The following UTRN variants were observed in gnomAD, a reference collection of about 807,000 sequenced individuals.
UTRN encodes dystrophin-related protein 1.
Under a neutral mutation model 463.9 loss-of-function variants are expected in UTRN, and 283 were observed. The ratio of observed to expected loss-of-function variants is 0.61; its 90% CI spans 0.55 to 0.67. UTRN has a LOEUF of 0.67. UTRN is among the 30% of genes least tolerant of loss of function. UTRN has a pLI of 0.00. For missense variants in UTRN, 3,922 were observed against 4,084.3 expected (o/e 0.96, Z 1.08); for synonymous variants, 1,442 against 1,431.5 (o/e 1.01, Z -0.17).
At chr6:144,539,257 C>T in intron 44 of UTRN, 37 bp from the exon 45 acceptor site, 1 of 1,521,022 alleles carries the variant, frequency 6.6e-7, no homozygotes, top group Non-Finnish European at 8.8e-7. Context: ...CCTTATCTGA[C>T]TACCTTCTAA....
intron 52 of UTRN, among the ~76,000 whole-genome samples, chr6:144,685,117 A>C (rs1361276340): frequency 6.6e-6 from 1 of 152,132 alleles, no homozygotes; most frequent in Non-Finnish European, 1.5e-5. Context: ...CTTGTAAGTG[A>C]GATCATGTAG....
At chr6:144,385,715 T>TC (rs1046755162) in intron 2 of UTRN, among the ~76,000 whole-genome samples, 6 of 152,154 alleles carry the variant, frequency 3.9e-5, no homozygotes, top group African/African-American at 1.4e-4. Flanking sequence ...TATTTTTTTT[T>TC]TTTTTTCTTT....
chr6:144,562,209 T>C (rs1799993470), intron 50 of UTRN, among the ~76,000 whole-genome samples: 1 of 152,092 alleles, frequency 6.6e-6, no homozygotes, highest in Non-Finnish European at 1.5e-5. Context: ...AAATATTTTA[T>C]TTTATTTTAT....
At chr6:144,645,161 T>C (rs965975825) in intron 51 of UTRN, among the ~76,000 whole-genome samples, 2 of 152,164 alleles carry the variant, frequency 1.3e-5, no homozygotes, top group African/African-American at 4.8e-5. Context: ...TTATTTTAGG[T>C]TGAGATTAGC....
rs1358334985 is a variant in UTRN, at chr6:144,811,938, C to T, written c.9357+8791C>T. ...TGATAATGTTTAATTATTCTGTTTGCGTGCCAAGTGACTTTTTTTATATAA... is the reference window on the plus strand; with the variant it reads ...TGATAATGTTTAATTATTCTGTTTGTGTGCCAAGTGACTTTTTTTATATAA... On this transcript the variant is annotated intron_variant, in intron 65 of 74. Transcript: ENST00000367545. 2.6e-5 allele frequency among the ~76,000 whole-genome samples: 4 copies of T among 152,086 alleles called. No individual in the cohort carries two copies. In the East Asian group the frequency reaches 7.7e-4, roughly 29 times the overall value.
chr6:144,677,362 C>T (rs552727804), intron 51 of UTRN, among the ~76,000 whole-genome samples: 26 of 152,190 alleles, frequency 1.7e-4, no homozygotes, highest in Middle Eastern at 3.4e-3. Context: ...TGAGAACATG[C>T]GGTGTTTGGT....
chr6:144,482,307 G>A lies in UTRN; in HGVS notation c.3606G>A (p.Glu1202=), dbSNP rs1344744615. 6.2e-7 allele frequency: 1 copy of A among 1,609,340 alleles called. No individual in the cohort carries two copies. The highest frequency in any genetic ancestry group is 1.3e-5 in the African/African-American group (1 of 74,806). ...LAAKVPSGGQ[E]LTSELNVVLE... is the part of the protein sequence containing the mutation. Reference sequence around the variant, plus strand: ...CCAAGGTGCCCTCTGGTGGCCAGGAGTTGACGTCTGAGCTGAATGTTGTGC... The same window carrying A: ...CCAAGGTGCCCTCTGGTGGCCAGGAATTGACGTCTGAGCTGAATGTTGTGC... Residue 1202 remains glutamate, a synonymous_variant, in exon 27 of 75, where the codon GAG becomes GAA. Transcript: ENST00000367545.
chr6:144,422,660 T>TA (rs888544296), intron 4 of UTRN, among the ~76,000 whole-genome samples: 2 of 152,236 alleles, frequency 1.3e-5, no homozygotes, highest in Non-Finnish European at 2.9e-5. Context: ...ATCTATTTTT[T>TA]ATTCAGATTT....
chr6:144,697,097 A>G, intron 52 of UTRN, among the ~76,000 whole-genome samples: 1 of 152,184 alleles, frequency 6.6e-6, no homozygotes, highest in East Asian at 1.9e-4. Flanking sequence ...GTAAAAAATG[A>G]TTCAATTTTA....
At chr6:144,389,841 C>T (rs564800822) in intron 2 of UTRN, among the ~76,000 whole-genome samples, 12 of 152,256 alleles carry the variant, frequency 7.9e-5, no homozygotes, top group South Asian at 2.1e-4. Context: ...TCAGATGATC[C>T]GCCCATCCTG....
chr6:144,676,954 C>T (rs964385538), intron 51 of UTRN, among the ~76,000 whole-genome samples: 1 of 152,042 alleles, frequency 6.6e-6, no homozygotes, highest in Non-Finnish European at 1.5e-5. Context: ...GGATATTAGG[C>T]AAAGTTCAGT....
intron 17 of UTRN, among the ~76,000 whole-genome samples, chr6:144,449,828 T>TCC (rs1788074189): frequency 1.3e-5 from 2 of 152,302 alleles, no homozygotes; most frequent in South Asian, 4.1e-4. Context: ...TTGGTTTGAA[T>TCC]CCCAGCCTCA....
At chr6:144,681,949 A>T (rs986963331) in intron 52 of UTRN, among the ~76,000 whole-genome samples, 4 of 152,168 alleles carry the variant, frequency 2.6e-5, no homozygotes, top group African/African-American at 9.7e-5. Context: ...AAAATGTGGT[A>T]TCTATCCCCT....
chr6:144,419,585 T>G (rs1351834628), intron 3 of UTRN, among the ~76,000 whole-genome samples: 3 of 152,182 alleles, frequency 2.0e-5, no homozygotes, highest in Non-Finnish European at 4.4e-5. Flanking sequence ...ATGGGGTCAT[T>G]CGAGACCCAA....
chr6:144,408,317 G>C (rs912205359), intron 3 of UTRN, among the ~76,000 whole-genome samples: 1 of 152,190 alleles, frequency 6.6e-6, no homozygotes, highest in South Asian at 2.1e-4. Flanking sequence ...TTAGCCGGCC[G>C]GTCTCCCAAG....
intron 52 of UTRN, among the ~76,000 whole-genome samples, chr6:144,684,981 A>G (rs899254937): frequency 6.6e-6 from 1 of 152,128 alleles, no homozygotes; most frequent in African/African-American, 2.4e-5. Flanking sequence ...AGTACTGTAC[A>G]TTGTACCCAT....
At chr6:144,420,499 C>A (rs573456091) in intron 3 of UTRN, among the ~76,000 whole-genome samples, 3 of 152,286 alleles carry the variant, frequency 2.0e-5, no homozygotes, top group Non-Finnish European at 4.4e-5. Flanking sequence ...AGGCAAGGAT[C>A]TACCAAACTT....
chr6:144,602,523 A>AT (rs1804367815), intron 51 of UTRN, among the ~76,000 whole-genome samples: 1 of 152,218 alleles, frequency 6.6e-6, no homozygotes, highest in Non-Finnish European at 1.5e-5. Context: ...ATTGTAAGCT[A>AT]TGCATACATT....
intron 19 of UTRN, among the ~76,000 whole-genome samples, chr6:144,456,156 A>T (rs1193188691): frequency 1.3e-5 from 2 of 152,106 alleles, no homozygotes; most frequent in Admixed American, 1.3e-4. Context: ...GCTGAACTGG[A>T]TAAAGTCTGT....
Sources: gnomAD v4.1 joint callset for allele counts (sites outside exome capture counted in the v4.1 genomes callset) on GRCh38, gnomAD v4.1.1 for gene constraint, MANE v1.5 for transcripts, NCBI Gene and HGNC (gene_info 2026-07-23, HGNC 2026-07-21) for gene names.